Variants in ANK3 observed in about 807,000 individuals in gnomAD.
ANK3 encodes the protein ankyrin 3, also known as ankyrin-3.
ANK3 carries 57 observed loss-of-function variants against 370.9 expected under a neutral mutation model. The observed-to-expected ratio is 0.15, with a 90% CI of 0.12 to 0.19. The LOEUF is 0.19. Among genes scored for constraint, ANK3 ranks in the 10% least tolerant of loss-of-function variants. ANK3 has a pLI of 1.00. For synonymous variants in ANK3, 1,929 were observed against 1,946.3 expected (o/e 0.99, Z 0.23); for missense variants, 4,439 against 5,302.1 (o/e 0.84, Z 5.06).
chr10:60,457,060 G>A (rs1279098900), intron 2 of ANK3, among the ~76,000 whole-genome samples: 3 of 152,088 alleles, frequency 2.0e-5, no homozygotes, highest in Admixed American at 6.6e-5. Flanking sequence ...TAAGGAAGGG[G>A]CATATTTCTT....
At chr10:60,141,081 G>A (rs2094537375) in intron 23 of ANK3, 1 of 952,174 alleles carries the variant, frequency 1.1e-6, no homozygotes, top group South Asian at 4.9e-5. Context: ...AAAAGAGAGA[G>A]GGAGGGCCTG....
At chr10:60,059,621 T>A in intron 40 of ANK3, 191 bp from the exon 41 acceptor site, 1 of 1,475,510 alleles carries the variant, frequency 6.8e-7, no homozygotes, top group Non-Finnish European at 9.2e-7. Context: ...CAGAGCTTAC[T>A]CCTAGTTTTC....
At chr10:60,449,332 C>A (rs941751571) in intron 2 of ANK3, among the ~76,000 whole-genome samples, 2 of 152,094 alleles carry the variant, frequency 1.3e-5, no homozygotes, top group African/African-American at 2.4e-5. Context: ...ATTTAAACAT[C>A]CTTTTTTGCA....
intron 42 of ANK3, among the ~76,000 whole-genome samples, chr10:60,053,365 C>A (rs533378973): frequency 6.6e-6 from 1 of 152,242 alleles, no homozygotes; most frequent in African/African-American, 2.4e-5. Flanking sequence ...AGAAGAGCAT[C>A]TATGTTAAAG....
At chr10:60,266,929 C>A (rs138810765) in intron 5 of ANK3, among the ~76,000 whole-genome samples, 2 of 151,950 alleles carry the variant, frequency 1.3e-5, no homozygotes, top group African/African-American at 4.8e-5. Flanking sequence ...ATGGAATAAA[C>A]GAACAAACAA....
intron 21 of ANK3, among the ~76,000 whole-genome samples, chr10:60,170,914 G>A (rs2095771091): frequency 6.6e-6 from 1 of 152,044 alleles, no homozygotes; most frequent in African/African-American, 2.4e-5. Context: ...ACTTTTACAT[G>A]TCTCAAGTCT....
At chr10:60,491,339 C>T (rs987110412) in intron 2 of ANK3, among the ~76,000 whole-genome samples, 1 of 152,164 alleles carries the variant, frequency 6.6e-6, no homozygotes, top group Non-Finnish European at 1.5e-5. Context: ...ATCAACTGTT[C>T]TTAAATTGCA....
At chr10:60,639,708 A>G (rs1225955688) in intron 1 of ANK3, among the ~76,000 whole-genome samples, 1 of 151,996 alleles carries the variant, frequency 6.6e-6, no homozygotes, top group Non-Finnish European at 1.5e-5. Flanking sequence ...ACTACTAAAG[A>G]TAAAACACAG....
intron 1 of ANK3, among the ~76,000 whole-genome samples, chr10:60,664,622 T>C (rs899325462): frequency 5.3e-5 from 8 of 152,162 alleles, no homozygotes; most frequent in African/African-American, 1.9e-4. Flanking sequence ...GCTCATGAGT[T>C]AAGACAGAAA....
chr10:60,687,164 A>T (rs1013838840), intron 1 of ANK3, among the ~76,000 whole-genome samples: 1 of 152,202 alleles, frequency 6.6e-6, no homozygotes, highest in Non-Finnish European at 1.5e-5. Flanking sequence ...CTAATGACAC[A>T]TTCTTCAGAA....
intron 28 of ANK3, among the ~76,000 whole-genome samples, chr10:60,101,418 T>C (rs2091243799): frequency 6.6e-6 from 1 of 152,188 alleles, no homozygotes; most frequent in South Asian, 2.1e-4. Context: ...TAATTAAACT[T>C]TGTGAGTTTA....
chr10:60,260,851 G>A (rs2097793246), intron 7 of ANK3, among the ~76,000 whole-genome samples: 3 of 152,032 alleles, frequency 2.0e-5, no homozygotes, highest in Admixed American at 1.3e-4. Context: ...CATGCTTCCT[G>A]TACAGCCCGC....
At chr10:60,664,654 C>T (rs547214343) in intron 1 of ANK3, among the ~76,000 whole-genome samples, 13 of 152,260 alleles carry the variant, frequency 8.5e-5, no homozygotes, top group Non-Finnish European at 1.8e-4. Context: ...AAATAATTGA[C>T]CCCAAGATCC....
At chr10:60,515,889 A>G (rs1162528104) in intron 2 of ANK3, among the ~76,000 whole-genome samples, 1 of 152,176 alleles carries the variant, frequency 6.6e-6, no homozygotes, top group African/African-American at 2.4e-5. Flanking sequence ...ACTATGTACC[A>G]GGCCCAGTGC....
In ANK3 at chr10:60,685,257, T is replaced by C. The variant is rs201993236; in HGVS notation, c.57+48006A>G. The C allele has an allele frequency of 1.5e-3, 383 of 262,920 alleles. 4 individuals carry two copies. Among genetic ancestry groups the C allele is most frequent in the Middle Eastern group, 3.0e-3 (2 of 666 alleles). The allele number at this position is 262,920 out of a possible 1,614,324, so 16.3% of individuals were successfully genotyped here. On this transcript the variant is annotated intron_variant, in intron 1 of 43. Coordinates refer to the ANK3 transcript ENST00000373827. Reference sequence around the variant, plus strand: ...TTGTAGAGGATGAGTAAATGCATGCTTCTTAAAGTGGTATCTTCTCCCTAT... The same window carrying C: ...TTGTAGAGGATGAGTAAATGCATGCCTCTTAAAGTGGTATCTTCTCCCTAT...
At chr10:60,300,261 G>A in intron 1 of ANK3, 2 of 1,070,286 alleles carry the variant, frequency 1.9e-6, no homozygotes, top group Non-Finnish European at 2.5e-6. Context: ...AACTATTCAG[G>A]GCAAAACAGA....
chr10:60,204,602 T>C (rs1591696441), intron 11 of ANK3, among the ~76,000 whole-genome samples: 1 of 152,218 alleles, frequency 6.6e-6, no homozygotes, highest in Admixed American at 6.5e-5. Flanking sequence ...GACTAGACTT[T>C]AATGTTTATG....
chr10:60,149,492 T>TGCAAACAAC (rs746943547), intron 23 of ANK3, among the ~76,000 whole-genome samples: 1 of 152,220 alleles, frequency 6.6e-6, no homozygotes, highest in Non-Finnish European at 1.5e-5. Context: ...CAACAGCCTG[T>TGCAAACAAC]TGTTTGCAGT....
chr10:60,046,125 A>C (rs1273985165), intron 42 of ANK3, among the ~76,000 whole-genome samples: 1 of 152,246 alleles, frequency 6.6e-6, no homozygotes, highest in Non-Finnish European at 1.5e-5. Flanking sequence ...AGAGGGGAGA[A>C]AAACTGGAAA....
Sources: allele counts gnomAD v4.1 joint callset (sites outside exome capture counted in the v4.1 genomes callset), GRCh38; gene constraint gnomAD v4.1.1; transcripts MANE v1.5; gene names NCBI Gene and HGNC (gene_info 2026-07-23, HGNC 2026-07-21).